MARCHF1: variants seen among roughly 807,000 people sequenced by gnomAD.
MARCHF1 encodes membrane associated ring-CH-type finger 1.
In MARCHF1, 40 loss-of-function variants were observed where a neutral mutation model predicts 54.2. The ratio of observed to expected loss-of-function variants is 0.74; its 90% confidence interval spans 0.57 to 0.96. The LOEUF (loss-of-function observed/expected upper bound fraction) is 0.96. MARCHF1 is among the 40% of genes least tolerant of loss of function. The pLI is 0.00. For synonymous variants in MARCHF1, 236 were observed against 236.3 expected (o/e 1.00, Z 0.01); for missense variants, 586 against 656.5 (o/e 0.89, Z 1.17).
intron 1 of MARCHF1, among the ~76,000 whole-genome samples, chr4:164,345,316 T>C (rs895225960): frequency 6.6e-5 from 10 of 152,066 alleles, no homozygotes; most frequent in Non-Finnish European, 5.9e-5. Flanking sequence ...CCTGTAATCC[T>C]TGTACTGTGG....
At chr4:164,237,480 C>T in intron 1 of MARCHF1, among the ~76,000 whole-genome samples, 1 of 152,070 alleles carries the variant, frequency 6.6e-6, no homozygotes, top group Non-Finnish European at 1.5e-5. Context: ...AGACTAGGAA[C>T]ATTCAAACAC....
intron 4 of MARCHF1, among the ~76,000 whole-genome samples, chr4:163,831,602 AT>A (rs1270078373): frequency 6.6e-6 from 1 of 152,132 alleles, no homozygotes; most frequent in Non-Finnish European, 1.5e-5. Flanking sequence ...AATCAATTAA[AT>A]TTTAAAAAAT....
intron 5 of MARCHF1, among the ~76,000 whole-genome samples, chr4:163,614,632 C>T (rs1741454277): frequency 1.3e-5 from 2 of 152,060 alleles, no homozygotes; most frequent in Admixed American, 1.3e-4. Context: ...GAGATCAGGT[C>T]ATATTTGAAG....
chr4:164,356,155 T>G (rs1386823143), intron 1 of MARCHF1, among the ~76,000 whole-genome samples: 3 of 112,840 alleles, frequency 2.7e-5, no homozygotes, highest in Admixed American at 8.9e-5. Context: ...GGAACACTTT[T>G]GCACTGTTGG....
chr4:163,554,116 G>A (rs1291130002), intron 8 of MARCHF1, among the ~76,000 whole-genome samples: 1 of 152,152 alleles, frequency 6.6e-6, no homozygotes, highest in East Asian at 1.9e-4. Flanking sequence ...AAAAAATAGA[G>A]GTGTGATAGC....
At chr4:164,082,004 T>TTA (rs1755111455) in intron 2 of MARCHF1, among the ~76,000 whole-genome samples, 2 of 152,190 alleles carry the variant, frequency 1.3e-5, no homozygotes, top group Non-Finnish European at 2.9e-5. Context: ...ATAGGCCTGT[T>TTA]CTGTGCGTGT....
chr4:163,860,163 G>C (rs1178816912), intron 3 of MARCHF1, among the ~76,000 whole-genome samples: 4 of 152,128 alleles, frequency 2.6e-5, no homozygotes, highest in African/African-American at 9.7e-5. Flanking sequence ...GAGAATTATG[G>C]TCGATTTCAG....
chr4:164,220,014 C>T (rs115933303), intron 1 of MARCHF1, among the ~76,000 whole-genome samples: 1,964 of 151,872 alleles, frequency 0.013, 39 homozygotes, highest in African/African-American at 0.045. Flanking sequence ...GACAATAGGT[C>T]ACTTTGTATG....
intron 1 of MARCHF1, among the ~76,000 whole-genome samples, chr4:164,264,714 G>T (rs13124402): frequency 0.11 from 17,327 of 151,990 alleles, 1,309 homozygotes; most frequent in Non-Finnish European, 0.18. Context: ...AAGGTCAGGA[G>T]TCCGGGACCA....
chr4:164,071,249 C>T (rs775778303), intron 2 of MARCHF1, among the ~76,000 whole-genome samples: 6 of 152,056 alleles, frequency 3.9e-5, no homozygotes, highest in Admixed American at 6.6e-5. Flanking sequence ...TGGTAATTTT[C>T]GTTTACAAAA....
At chr4:164,103,060 G>C (rs1255935449) in intron 2 of MARCHF1, among the ~76,000 whole-genome samples, 2 of 100,808 alleles carry the variant, frequency 2.0e-5, no homozygotes, top group Non-Finnish European at 4.3e-5. Context: ...AACAAGAGGA[G>C]CTAACTATCC....
At chr4:163,945,159 A>G (rs540377366) in intron 3 of MARCHF1, among the ~76,000 whole-genome samples, 1 of 152,150 alleles carries the variant, frequency 6.6e-6, no homozygotes, top group Non-Finnish European at 1.5e-5. Flanking sequence ...AATGTCACAC[A>G]TGTTATCTAT....
chr4:164,063,775 T>C (rs1375422367), intron 2 of MARCHF1, among the ~76,000 whole-genome samples: 1 of 152,216 alleles, frequency 6.6e-6, no homozygotes, highest in Non-Finnish European at 1.5e-5. Context: ...AGATAAACTG[T>C]GTTATAGCAA....
rs557005540 is a variant in MARCHF1 at position 163,624,028 on chromosome 4, G to A, written c.163-10635C>T. ...GGATGGTGATAATACCTCGTGAACC[G>A]TAACATCACAATTACTGGGTTGGAT... On this transcript the variant is annotated intron_variant, in intron 5 of 9. Coordinates refer to ENST00000514618, the MANE Select transcript of MARCHF1 (RefSeq NM_001394959.1). Among the ~76,000 whole-genome samples, 16 of 152,304 alleles carry A rather than the reference G, an allele frequency of 1.1e-4. No homozygotes were observed. In the South Asian group the frequency reaches 2.3e-3, roughly 22 times the overall value.
intron 4 of MARCHF1, among the ~76,000 whole-genome samples, chr4:163,761,208 G>A (rs1348775542): frequency 2.0e-5 from 3 of 152,082 alleles, no homozygotes; most frequent in Non-Finnish European, 4.4e-5. Flanking sequence ...GTATATGAAG[G>A]GATTCGTTAT....
chr4:164,014,185 C>T (rs1579461269), intron 2 of MARCHF1, among the ~76,000 whole-genome samples: 1 of 115,224 alleles, frequency 8.7e-6, no homozygotes, highest in Non-Finnish European at 1.7e-5. Flanking sequence ...AGTGAGACTG[C>T]ATCTCAAAAA....
intron 3 of MARCHF1, among the ~76,000 whole-genome samples, chr4:163,877,027 A>C (rs1026091990): frequency 6.6e-6 from 1 of 152,074 alleles, no homozygotes; most frequent in African/African-American, 2.4e-5. Flanking sequence ...AATTTTTGGA[A>C]ATTTTAGAAA....
chr4:163,965,683 ACTGT>A (rs1218632438), intron 3 of MARCHF1, among the ~76,000 whole-genome samples: 1 of 152,096 alleles, frequency 6.6e-6, no homozygotes, highest in African/African-American at 2.4e-5. Flanking sequence ...TTATATCTGC[ACTGT>A]CTGAGAAGAT....
intron 1 of MARCHF1, among the ~76,000 whole-genome samples, chr4:164,274,560 T>C (rs1733822978): frequency 6.6e-6 from 1 of 150,892 alleles, no homozygotes; most frequent in Non-Finnish European, 1.5e-5. Context: ...TATTTGTCAG[T>C]GCAAGTAAAG....
Sources: gnomAD v4.1 joint callset for allele counts (sites outside exome capture counted in the v4.1 genomes callset) on GRCh38, gnomAD v4.1.1 for gene constraint, MANE v1.5 for transcripts, NCBI Gene and HGNC (gene_info 2026-07-23, HGNC 2026-07-21) for gene names.